NTRK2: variants seen among roughly 807,000 people sequenced by gnomAD.
NTRK2 encodes BDNF/NT-3 growth factors receptor.
A neutral mutation model predicts 94.5 loss-of-function variants in NTRK2; 13 were observed. The ratio of observed to expected loss-of-function variants is 0.14; its 90% CI spans 0.09 to 0.22. The LOEUF (loss-of-function observed/expected upper bound fraction) is 0.22, where lower values mean the gene tolerates loss of function less well. Among genes scored for constraint, NTRK2 ranks in the 10% least tolerant of loss-of-function variants. NTRK2 has a pLI of 1.00. For missense variants in NTRK2, 639 were observed against 1,071.2 expected (o/e 0.60, Z 5.63); for synonymous variants, 372 against 407.4 (o/e 0.91, Z 1.05).
chr9:84,767,733 C>T (rs1458744847), intron 12 of NTRK2, among the ~76,000 whole-genome samples: 2 of 152,204 alleles, frequency 1.3e-5, no homozygotes, highest in Non-Finnish European at 2.9e-5. Context: ...TACTACGTCT[C>T]TCTCTCCTCT....
At chr9:84,864,141 G>T (rs1000949926) in intron 13 of NTRK2, among the ~76,000 whole-genome samples, 2 of 152,172 alleles carry the variant, frequency 1.3e-5, no homozygotes, top group Admixed American at 6.5e-5. Flanking sequence ...CCTCAAAAAT[G>T]ATTGAATGCT....
chr9:84,747,957 G>C (rs1265817299), intron 11 of NTRK2, among the ~76,000 whole-genome samples: 2 of 152,162 alleles, frequency 1.3e-5, no homozygotes, highest in East Asian at 3.8e-4. Context: ...GTGTGGTTCA[G>C]ATATTTTATA....
At chr9:85,000,365 T>A (rs1298699073) in intron 17 of NTRK2, among the ~76,000 whole-genome samples, 5 of 152,178 alleles carry the variant, frequency 3.3e-5, no homozygotes, top group Non-Finnish European at 7.3e-5. Flanking sequence ...ATAGTTTCAC[T>A]GCCCTAAAAA....
intron 12 of NTRK2, among the ~76,000 whole-genome samples, chr9:84,776,548 T>C (rs1478967895): frequency 1.3e-5 from 2 of 152,192 alleles, no homozygotes; most frequent in Non-Finnish European, 2.9e-5. Context: ...TATTAAAAAC[T>C]ATGAAATGTC....
chr9:84,860,537 C>T (rs2075285329), intron 12 of NTRK2, among the ~76,000 whole-genome samples: 1 of 152,098 alleles, frequency 6.6e-6, no homozygotes, highest in African/African-American at 2.4e-5. Flanking sequence ...TACCGTCTGT[C>T]TCAGCTTCAA....
At chr9:84,815,054 A>C in intron 12 of NTRK2, 1 of 1,058,858 alleles carries the variant, frequency 9.4e-7, no homozygotes, top group African/African-American at 1.6e-5. Context: ...TTTGGCTGAC[A>C]GAACTCCCAG....
intron 9 of NTRK2, among the ~76,000 whole-genome samples, chr9:84,730,761 CTAAAGAAAAATAAACAAATAGCAA>C (rs2062809016): frequency 9.4e-5 from 1 of 10,628 alleles, no homozygotes; most frequent in African/African-American, 3.5e-4. Context: ...AAAAAAAAAA[CTAAAGAAAAATAAACAAATAGCAA>C]AAAAAAAAAA....
At chr9:84,963,215 C>A (rs922382259) in intron 17 of NTRK2, among the ~76,000 whole-genome samples, 1 of 152,216 alleles carries the variant, frequency 6.6e-6, no homozygotes, top group African/African-American at 2.4e-5. Context: ...GCAAATACTT[C>A]TTTTTGTACC....
At chr9:84,751,046 T>C (rs1483328501) in intron 11 of NTRK2, among the ~76,000 whole-genome samples, 5 of 152,176 alleles carry the variant, frequency 3.3e-5, no homozygotes, top group African/African-American at 1.2e-4. Flanking sequence ...GCTTATATCA[T>C]ATATATGGGA....
intron 17 of NTRK2, among the ~76,000 whole-genome samples, chr9:85,013,739 G>A (rs914212159): frequency 2.6e-5 from 4 of 152,224 alleles, no homozygotes; most frequent in African/African-American, 9.6e-5. Flanking sequence ...GGAGGTCTAG[G>A]AGCCCCTTCA....
chr9:84,863,363 A>G (rs1202291618), intron 13 of NTRK2, among the ~76,000 whole-genome samples: 1 of 152,232 alleles, frequency 6.6e-6, no homozygotes, highest in Non-Finnish European at 1.5e-5. Context: ...CATGTTTTTC[A>G]GCTGAGTAAT....
intron 2 of NTRK2, among the ~76,000 whole-genome samples, chr9:84,678,929 T>G (rs1356520936): frequency 6.6e-6 from 1 of 152,214 alleles, no homozygotes; most frequent in African/African-American, 2.4e-5. Context: ...ATTCATGTGT[T>G]GAAACTCAGT....
intron 12 of NTRK2, among the ~76,000 whole-genome samples, chr9:84,765,075 C>T (rs764267452): frequency 4.6e-5 from 7 of 152,080 alleles, no homozygotes; most frequent in African/African-American, 9.7e-5. Context: ...GTGAGGGATG[C>T]GGAGGTTGTG....
intron 12 of NTRK2, among the ~76,000 whole-genome samples, chr9:84,860,045 A>C (rs1478739887): frequency 6.6e-6 from 1 of 152,210 alleles, no homozygotes; most frequent in Non-Finnish European, 1.5e-5. Context: ...CAACCTCCTA[A>C]GTCATCTTGA....
chr9:84,926,185 T>C (rs376949781), intron 14 of NTRK2, among the ~76,000 whole-genome samples: 96 of 115,392 alleles, frequency 8.3e-4, no homozygotes, highest in Admixed American at 2.0e-3. Flanking sequence ...TTTCTTTCTT[T>C]CTTTCTTTCT....
intron 12 of NTRK2, chr9:84,812,844 G>A (rs1345476161): frequency 2.9e-6 from 3 of 1,036,204 alleles, no homozygotes; most frequent in Non-Finnish European, 3.5e-6. Context: ...ATGGAGAGAA[G>A]TGGACAGATA....
chr9:84,954,874 A>G (rs1330640688), intron 16 of NTRK2, among the ~76,000 whole-genome samples: 1 of 152,178 alleles, frequency 6.6e-6, no homozygotes, highest in African/African-American at 2.4e-5. Flanking sequence ...AGGAGAGTCC[A>G]TCTTTCCCCA....
chr9:84,676,960 A>AGT (rs58789627), intron 2 of NTRK2, among the ~76,000 whole-genome samples: 110,972 of 150,024 alleles, frequency 0.74, 41,643 homozygotes, highest in South Asian at 0.81. Flanking sequence ...ACTGTGTGTG[A>AGT]GTGTGTGTGT....
chr9:85,026,144 A>G lies in NTRK2; in HGVS notation c.*4707A>G. 1 of 217,858 alleles carries G rather than the reference A, an allele frequency of 4.6e-6. No homozygotes were observed. Among genetic ancestry groups the G allele is most frequent in the Non-Finnish European group, 9.2e-6 (1 of 108,924 alleles). 13.5% of individuals were successfully genotyped at this position (217,858 alleles called of 1,614,324 possible). ...CAAAGCAAAGCAAAAAAAAAAATAT[A>G]TATATATATATCTGTATATGTGTTG... On this transcript the variant is annotated 3_prime_UTR_variant, in exon 19 of 19. Coordinates refer to ENST00000277120, the MANE Select transcript of NTRK2 (RefSeq NM_006180.6).
Sources: gnomAD v4.1 joint callset for allele counts (sites outside exome capture counted in the v4.1 genomes callset) on GRCh38, gnomAD v4.1.1 for gene constraint, MANE v1.5 for transcripts, NCBI Gene and HGNC (gene_info 2026-07-23, HGNC 2026-07-21) for gene names.